ZNF536: variants seen among roughly 807,000 people sequenced by gnomAD.
ZNF536 encodes zinc finger protein 536.
Under a neutral mutation model 84.5 loss-of-function variants are expected in ZNF536, and 13 were observed. That is an observed-to-expected ratio of 0.15 (90% CI 0.10 to 0.24). The LOEUF is 0.24. Ranked by LOEUF, ZNF536 falls within the 10% of genes least tolerant of loss-of-function variation. The pLI, the probability that ZNF536 is intolerant of heterozygous loss-of-function variation, is 1.00. For synonymous variants in ZNF536, 811 were observed against 742.5 expected (o/e 1.09, Z -1.50); for missense variants, 1,536 against 1,747.5 (o/e 0.88, Z 2.16).
At chr19:30,670,051 G>A (rs569672053) in intron 1 of ZNF536, among the ~76,000 whole-genome samples, 1 of 152,362 alleles carries the variant, frequency 6.6e-6, no homozygotes, top group Non-Finnish European at 1.5e-5. Context: ...CTGCCCAGGT[G>A]GGAGAGGGCG....
chr19:30,638,107 T>G (rs563283013), intron 1 of ZNF536, among the ~76,000 whole-genome samples: 21 of 152,154 alleles, frequency 1.4e-4, no homozygotes, highest in Non-Finnish European at 2.5e-4. Flanking sequence ...CCAGATCTGT[T>G]GTGTTGACAC....
intron 3 of ZNF536, among the ~76,000 whole-genome samples, chr19:30,539,793 C>T (rs535680608): frequency 2.0e-5 from 3 of 152,252 alleles, no homozygotes; most frequent in African/African-American, 7.2e-5. Flanking sequence ...CTGGGGGAGG[C>T]GTGACCCCCT....
chr19:30,344,237 G>C (rs1007315928), intron 2 of ZNF536, among the ~76,000 whole-genome samples: 4 of 120,092 alleles, frequency 3.3e-5, no homozygotes, highest in African/African-American at 1.4e-4. Context: ...TCAGGAGTTC[G>C]CGACCAGCCT....
intron 1 of ZNF536, among the ~76,000 whole-genome samples, chr19:30,710,510 C>T (rs2052420156): frequency 6.6e-6 from 1 of 152,210 alleles, no homozygotes; most frequent in Admixed American, 6.5e-5. Flanking sequence ...ACTGCACTCC[C>T]AGCCTGAGAT....
intron 4 of ZNF536, chr19:30,556,864 C>A: frequency 3.8e-6 from 1 of 265,358 alleles, no homozygotes; most frequent in Non-Finnish European, 6.9e-6. Context: ...AGAGGGCAAT[C>A]AACCTCTTTG....
At chr19:30,600,981 G>A (rs2047664461) in intron 1 of ZNF536, among the ~76,000 whole-genome samples, 1 of 152,170 alleles carries the variant, frequency 6.6e-6, no homozygotes, top group Admixed American at 6.5e-5. Context: ...TTTACTGATG[G>A]AGTTGGTTAG....
At chr19:30,629,504 G>A (rs769633100) in intron 1 of ZNF536, among the ~76,000 whole-genome samples, 1 of 152,164 alleles carries the variant, frequency 6.6e-6, no homozygotes, top group African/African-American at 2.4e-5. Context: ...CCTGATAATT[G>A]CCTTTTAAAT....
intron 1 of ZNF536, among the ~76,000 whole-genome samples, chr19:30,624,951 G>C (rs927566453): frequency 2.0e-5 from 3 of 152,178 alleles, no homozygotes; most frequent in Non-Finnish European, 4.4e-5. Context: ...TTGTGAAAAA[G>C]GACATGTTTG....
At chr19:30,609,715 C>T (rs1218107434) in intron 1 of ZNF536, among the ~76,000 whole-genome samples, 1 of 152,086 alleles carries the variant, frequency 6.6e-6, no homozygotes, top group Non-Finnish European at 1.5e-5. Flanking sequence ...TTCATTTATT[C>T]ATCCATCCAT....
chr19:30,280,039 G>C (rs74542590), intron 1 of ZNF536, among the ~76,000 whole-genome samples: 1 of 152,050 alleles, frequency 6.6e-6, no homozygotes, highest in East Asian at 1.9e-4. Flanking sequence ...TCCACCTCCC[G>C]CAGGAGAGAA....
chr19:30,517,011 AC>A (rs1471284456), intron 2 of ZNF536, among the ~76,000 whole-genome samples: 3 of 151,900 alleles, frequency 2.0e-5, no homozygotes, highest in Non-Finnish European at 4.4e-5. Flanking sequence ...GAGTCCTGGG[AC>A]GTGATCTTTA....
intron 4 of ZNF536, 26 bp downstream of exon 4, chr19:30,549,540 A>G: frequency 2.0e-6 from 3 of 1,495,064 alleles, no homozygotes; most frequent in Non-Finnish European, 2.7e-6. Context: ...CTCTTCCTAT[A>G]GTTCATTTCC....
At chr19:30,339,923 C>T (rs916652513) in intron 2 of ZNF536, among the ~76,000 whole-genome samples, 7 of 152,122 alleles carry the variant, frequency 4.6e-5, no homozygotes, top group Non-Finnish European at 8.8e-5. Context: ...TTGCCTCTGG[C>T]CTGGGGGTAT....
chr19:30,344,850 A>G (rs2047690806), intron 2 of ZNF536, among the ~76,000 whole-genome samples: 1 of 152,112 alleles, frequency 6.6e-6, no homozygotes, highest in African/African-American at 2.4e-5. Context: ...TAGTGACCAG[A>G]CCCAGGCTCC....
chr19:30,532,394 G>A (rs1357820215), intron 2 of ZNF536, among the ~76,000 whole-genome samples: 2 of 152,132 alleles, frequency 1.3e-5, no homozygotes, highest in East Asian at 1.9e-4. Context: ...GCCTCCCAAA[G>A]TGTTGGGATT....
At chr19:30,700,179 CT>C (rs1366284471) in intron 1 of ZNF536, among the ~76,000 whole-genome samples, 34 of 119,228 alleles carry the variant, frequency 2.9e-4, no homozygotes, top group African/African-American at 1.1e-3. Context: ...TTCCTTCTTT[CT>C]TTTCTTTCCT....
chr19:30,324,631 A>G (rs1384086594), intron 2 of ZNF536, among the ~76,000 whole-genome samples: 1 of 152,158 alleles, frequency 6.6e-6, no homozygotes, highest in Non-Finnish European at 1.5e-5. Context: ...GGCTCAAGTA[A>G]TCCTCTTACC....
chr19:30,318,905 C>T (rs117731027), intron 2 of ZNF536, among the ~76,000 whole-genome samples: 402 of 152,266 alleles, frequency 2.6e-3, no homozygotes, highest in Middle Eastern at 6.8e-3. Flanking sequence ...AGTTTGCTCC[C>T]TTCTTTTATA....
chr19:30,698,255 G>C (rs2051745774), intron 1 of ZNF536, among the ~76,000 whole-genome samples: 1 of 150,824 alleles, frequency 6.6e-6, no homozygotes, highest in South Asian at 2.1e-4. Flanking sequence ...CTGCGCCACT[G>C]TACTCCAGCC....
Sources: gnomAD v4.1 joint callset for allele counts (sites outside exome capture counted in the v4.1 genomes callset) on GRCh38, gnomAD v4.1.1 for gene constraint, MANE v1.5 for transcripts, NCBI Gene and HGNC (gene_info 2026-07-23, HGNC 2026-07-21) for gene names.